The following MGST1 variants were observed in gnomAD, a reference collection of about 807,000 sequenced individuals.
MGST1 encodes microsomal glutathione S-transferase 1.
In MGST1, 5 loss-of-function variants were observed where a neutral mutation model predicts 8.9. That is an observed-to-expected ratio of 0.56 (90% CI 0.29 to 1.19). The LOEUF (loss-of-function observed/expected upper bound fraction) is 1.19, where lower values mean the gene tolerates loss of function less well. MGST1 is among the 50% of genes most tolerant of loss of function. MGST1 has a pLI of 0.08. For missense variants in MGST1, 182 were observed against 187.4 expected (o/e 0.97, Z 0.17); for synonymous variants, 54 against 67.8 (o/e 0.80, Z 1.00).
At chr12:16,464,159 T>C (rs1941239798) in intron 4 of MGST1, among the ~76,000 whole-genome samples, 1 of 152,234 alleles carries the variant, frequency 6.6e-6, no homozygotes, top group Non-Finnish European at 1.5e-5. Flanking sequence ...TAAAAGATTG[T>C]TTTTTAATAG....
chr12:16,583,233 GAC>G (rs1943221248), intron 4 of MGST1, among the ~76,000 whole-genome samples: 1 of 152,110 alleles, frequency 6.6e-6, no homozygotes, highest in African/African-American at 2.4e-5. Context: ...AGTGGTGAGA[GAC>G]AGAAGCCAGA....
rs1034993362 is a variant in MGST1 at position 16,544,411 on chromosome 12, T to C, written n.483-45117T>C. ...AAGAGAAAAAGCCAAATATGATATA[T>C]GTGGCTTGTTTCTTCTATTGAATGT... On this transcript the variant is annotated intron_variant and non_coding_transcript_variant, in intron 4 of 4. Transcript: ENST00000538857. The surrounding 1 kb of genome is among the most constrained non-coding windows in gnomAD (Gnocchi z 4.8). 5.3e-4 allele frequency among the ~76,000 whole-genome samples: 80 copies of C among 152,074 alleles called. No individual in the cohort carries two copies. Among genetic ancestry groups the C allele is most frequent in the African/African-American group, 1.9e-3 (77 of 41,422 alleles).
chr12:16,397,165 C>T (rs940566562), intron 1 of MGST1, among the ~76,000 whole-genome samples: 1 of 152,038 alleles, frequency 6.6e-6, no homozygotes, highest in East Asian at 1.9e-4. Context: ...GAAACAAAAA[C>T]ATAAAGTGGG....
rs550717896 is a variant in MGST1, at chr12:16,522,857, C to G, written n.483-66671C>G. On this transcript the variant is annotated intron_variant and non_coding_transcript_variant, in intron 4 of 4. Coordinates refer to the MGST1 transcript ENST00000538857. The stretch of plus-strand genomic sequence containing the variant: ...ACTTGGCCTTAGGTAACCTTTCTTT[C>G]TGTTTCCCTTAAAGGTAATCAAGCT... Among the ~76,000 whole-genome samples, 201 of 152,134 alleles carry G rather than the reference C, an allele frequency of 1.3e-3. 1 individual carries two copies. The highest frequency in any genetic ancestry group is 3.4e-3 in the Middle Eastern group (1 of 294).
chr12:16,454,871 C>CAAAAAAAAAAAAAAAAAAA (rs1941158970), intron 4 of MGST1, among the ~76,000 whole-genome samples: 2 of 100,548 alleles, frequency 2.0e-5, no homozygotes, highest in African/African-American at 8.3e-5. Flanking sequence ...TTTAAGTAGA[C>CAAAAAAAAAAAAAAAAAAA]CAAAAAAAAA....
chr12:16,482,666 T>C lies in MGST1; in HGVS notation n.482+99062T>C, dbSNP rs1038198248. Reference sequence around the variant, plus strand: ...AAAAAAGAGTGAGAACATGTAAAAATGCAAGAACATGTAAAAATGCAACAA... The same window carrying C: ...AAAAAAGAGTGAGAACATGTAAAAACGCAAGAACATGTAAAAATGCAACAA... On this transcript the variant is annotated intron_variant and non_coding_transcript_variant, in intron 4 of 4. Transcript: ENST00000538857. This position sits in a 1 kb window ranked among gnomAD's most constrained non-coding sequence, Gnocchi z 4.2. 2.0e-5 allele frequency among the ~76,000 whole-genome samples: 3 copies of C among 149,696 alleles called. No homozygotes were observed. The highest frequency in any genetic ancestry group is 7.3e-5 in the African/African-American group (3 of 40,912).
chr12:16,476,414 T>C lies in MGST1; in HGVS notation n.482+92810T>C, dbSNP rs12578635. ...CCATGAATATTGAGCAAGAACAATA[T>C]ATCAATATAGTAATATACTGCAACC... On this transcript the variant is annotated intron_variant and non_coding_transcript_variant, in intron 4 of 4. Coordinates refer to the MGST1 transcript ENST00000538857. Among the ~76,000 whole-genome samples, 1,417 of 152,286 alleles carry C rather than the reference T, an allele frequency of 9.3e-3. 78 individuals are homozygous for C. In the East Asian group the frequency reaches 0.17, roughly 18 times the overall value.
rs866428435 is a variant in MGST1, at chr12:16,490,343, C to T, written n.483-99185C>T. 3.3e-5 allele frequency among the ~76,000 whole-genome samples: 5 copies of T among 152,198 alleles called. No homozygotes were observed. In the South Asian group the frequency reaches 1.0e-3, roughly 32 times the overall value. ...CCTTCTACCATGAGAACAGCATGTT[C>T]CATATATGGGCTGCTCTTTCAACCT... On this transcript the variant is annotated intron_variant and non_coding_transcript_variant, in intron 4 of 4. Transcript: ENST00000538857.
rs569916826 is a variant in MGST1 at position 16,513,419 on chromosome 12, G to A, written n.483-76109G>A. 5.1e-5 allele frequency: 20 copies of A among 393,042 alleles called. No individual in the cohort carries two copies. The highest frequency in any genetic ancestry group is 2.9e-4 in the South Asian group (15 of 50,864). The allele number at this position is 393,042 out of a possible 1,614,324, so 24.3% of individuals were successfully genotyped here. ...GGCTCCTCTGCGCTCCAGCTGCGTC[G>A]TCTCCGGGATCGCCGCCGCCTTCCA... On this transcript the variant is annotated intron_variant and non_coding_transcript_variant, in intron 4 of 4. Transcript: ENST00000538857. The surrounding 1 kb of genome is among the most constrained non-coding windows in gnomAD (Gnocchi z 4.2).
Position 16,394,376 on chromosome 12 carries a change from CTCTT to C in MGST1, n.778+10778_778+10781del, listed in dbSNP as rs574263837. 6.5e-3 allele frequency among the ~76,000 whole-genome samples: 974 copies of C among 150,574 alleles called. 13 individuals are homozygous for C. Among genetic ancestry groups the C allele is most frequent in the African/African-American group, 0.023 (940 of 41,032 alleles). ...TATTAATCATTTTCTTTCTTTCTTT[CTCTT>C]TCTTTTTCTTTCTCTCTCTTTCTTT... On this transcript the variant is annotated intron_variant and non_coding_transcript_variant, in intron 1 of 1. Transcript: ENST00000359720.
intron 4 of MGST1, among the ~76,000 whole-genome samples, chr12:16,459,795 C>A (rs1177638011): frequency 6.6e-6 from 1 of 152,064 alleles, no homozygotes; most frequent in African/African-American, 2.4e-5. Context: ...TTGATATATA[C>A]AATGCCCAGC....
intron 1 of MGST1, among the ~76,000 whole-genome samples, chr12:16,422,512 A>G (rs1457833540): frequency 6.6e-6 from 1 of 152,162 alleles, no homozygotes; most frequent in Non-Finnish European, 1.5e-5. Flanking sequence ...ATGATGCCAT[A>G]GGAGTGAGAT....
intron 4 of MGST1, among the ~76,000 whole-genome samples, chr12:16,443,784 G>T (rs1941057126): frequency 6.6e-6 from 1 of 151,580 alleles, no homozygotes; most frequent in Non-Finnish European, 1.5e-5. Flanking sequence ...TATTTCTCTT[G>T]GTCTCTATTC....
chr12:16,481,100 A>G (rs1362547084), intron 4 of MGST1, among the ~76,000 whole-genome samples: 1 of 152,182 alleles, frequency 6.6e-6, no homozygotes, highest in East Asian at 1.9e-4. Context: ...CCCTATCCTG[A>G]AAAAAAGAGA....
At chr12:16,395,226 A>G (rs1468625418) in intron 1 of MGST1, among the ~76,000 whole-genome samples, 5 of 151,970 alleles carry the variant, frequency 3.3e-5, no homozygotes, top group African/African-American at 7.2e-5. Context: ...TAGGGATCCA[A>G]TTTTCTCATC....
At chr12:16,572,707 A>G (rs949335170) in intron 4 of MGST1, among the ~76,000 whole-genome samples, 11 of 148,044 alleles carry the variant, frequency 7.4e-5, no homozygotes, top group Non-Finnish European at 1.2e-4. Flanking sequence ...TATATTATAT[A>G]TAATTTAAAT....
At position 16,420,415 on chromosome 12, in the gene MGST1, A is replaced by G. The variant is rs1438369947; in HGVS notation, n.779-16973A>G. Among the ~76,000 whole-genome samples the G allele has an allele frequency of 4.6e-5, 7 of 152,214 alleles. No homozygotes were observed. The South Asian group carries it at 8.3e-4, about 18-fold the overall frequency. On this transcript the variant is annotated intron_variant and non_coding_transcript_variant, in intron 1 of 1. Coordinates refer to the MGST1 transcript ENST00000359720. ...ATAATGAACTTTTCTAGATATGTTC[A>G]TTTGTTCACGTGTTTTTAAATATAG...
chr12:16,490,334 C>G (rs910635357), intron 4 of MGST1, among the ~76,000 whole-genome samples: 6 of 152,106 alleles, frequency 3.9e-5, no homozygotes, highest in Non-Finnish European at 8.8e-5. Context: ...ACCATGAGAA[C>G]AGCATGTTCC....
chr12:16,563,177 G>A (rs980718854), intron 4 of MGST1, among the ~76,000 whole-genome samples: 1 of 152,112 alleles, frequency 6.6e-6, no homozygotes, highest in Non-Finnish European at 1.5e-5. Context: ...TTACTGAACT[G>A]TCAGCTCACA....
Sources: gnomAD v4.1 joint callset for allele counts (sites outside exome capture counted in the v4.1 genomes callset) on GRCh38, gnomAD v4.1.1 for gene constraint, Gnocchi (gnomAD v3.1) non-coding constraint, MANE v1.5 for transcripts, NCBI Gene and HGNC (gene_info 2026-07-23, HGNC 2026-07-21) for gene names.